UNC13C: variants seen among roughly 807,000 people sequenced by gnomAD.
The protein encoded by UNC13C is unc-13 homolog C, also known as protein unc-13 homolog C.
A neutral mutation model predicts 245.4 loss-of-function variants in UNC13C; 174 were observed. The ratio of observed to expected loss-of-function variants is 0.71; its 90% CI spans 0.63 to 0.80. The LOEUF (loss-of-function observed/expected upper bound fraction) is 0.80, where lower values mean the gene tolerates loss of function less well. Ranked by LOEUF, UNC13C falls within the 30% of genes least tolerant of loss-of-function variation. The pLI is 0.00. For missense variants in UNC13C, 2,829 were observed against 2,602.9 expected (o/e 1.09, Z -1.89); for synonymous variants, 992 against 895.1 (o/e 1.11, Z -1.93).
chr15:54,444,307 T>C (rs1890686636), intron 19 of UNC13C, among the ~76,000 whole-genome samples: 3 of 149,530 alleles, frequency 2.0e-5, no homozygotes, highest in African/African-American at 5.0e-5. Flanking sequence ...ATATATGTCA[T>C]ATATATACAT....
intron 30 of UNC13C, among the ~76,000 whole-genome samples, chr15:54,613,250 A>G (rs1391446684): frequency 6.6e-6 from 1 of 151,954 alleles, no homozygotes; most frequent in Admixed American, 6.6e-5. Context: ...AAATATGTAT[A>G]AAACCTCCAA....
intron 17 of UNC13C, among the ~76,000 whole-genome samples, chr15:54,367,415 A>G (rs1240728831): frequency 6.6e-6 from 1 of 152,068 alleles, no homozygotes; most frequent in Non-Finnish European, 1.5e-5. Context: ...CTTAATTCCT[A>G]TTTGGGAGTT....
chr15:54,364,133 G>A (rs928746332), intron 17 of UNC13C, among the ~76,000 whole-genome samples: 1 of 152,054 alleles, frequency 6.6e-6, no homozygotes, highest in African/African-American at 2.4e-5. Context: ...TTGCTTAACA[G>A]ATGCTATATG....
chr15:54,442,366 G>A (rs992554853), intron 19 of UNC13C, among the ~76,000 whole-genome samples: 4 of 151,436 alleles, frequency 2.6e-5, no homozygotes, highest in Non-Finnish European at 5.9e-5. Flanking sequence ...GGGATTACAG[G>A]CATCTGCCAT....
chr15:54,080,000 C>T (rs1460673246), intron 2 of UNC13C, among the ~76,000 whole-genome samples: 4 of 56,976 alleles, frequency 7.0e-5, no homozygotes, highest in Non-Finnish European at 1.5e-4. Context: ...CCTGGTTTGT[C>T]GAGCGGTTTT....
chr15:54,441,801 TTTC>T (rs1164288782), intron 19 of UNC13C, among the ~76,000 whole-genome samples: 2 of 152,118 alleles, frequency 1.3e-5, no homozygotes, highest in African/African-American at 4.8e-5. Flanking sequence ...TTTAACAATA[TTTC>T]TTCTTCTAAT....
At chr15:54,620,282 G>A (rs1900711905) in intron 30 of UNC13C, among the ~76,000 whole-genome samples, 1 of 152,060 alleles carries the variant, frequency 6.6e-6, no homozygotes, top group African/African-American at 2.4e-5. Flanking sequence ...CACAGGTAGG[G>A]TGTATAAATG....
rs115704092 is a variant in UNC13C at position 54,045,341 on chromosome 15, C to T, written c.2983+29455C>T. Among the ~76,000 whole-genome samples, 604 of 152,028 alleles carry T rather than the reference C, an allele frequency of 4.0e-3. 1 individual carries two copies. Among genetic ancestry groups the T allele is most frequent in the African/African-American group, 0.014 (587 of 41,452 alleles). On this transcript the variant is annotated intron_variant, in intron 2 of 32. Coordinates refer to ENST00000260323, the MANE Select transcript of UNC13C (RefSeq NM_001080534.3). ...TTCCCCATTGAATTTGTTTAACAACCCTGTTAAAAATTCAGAATACTTTTA... is the reference window on the plus strand; with the variant it reads ...TTCCCCATTGAATTTGTTTAACAACTCTGTTAAAAATTCAGAATACTTTTA...
At chr15:54,431,160 T>C (rs1253800977) in intron 19 of UNC13C, among the ~76,000 whole-genome samples, 1 of 151,828 alleles carries the variant, frequency 6.6e-6, no homozygotes, top group Non-Finnish European at 1.5e-5. Context: ...TTAAATTATA[T>C]ATCCAAGAAA....
chr15:54,494,461 AG>A (rs1893862014), intron 19 of UNC13C, 146 bp from the exon 20 acceptor site: 3 of 655,826 alleles, frequency 4.6e-6, no homozygotes, highest in South Asian at 7.9e-5. Flanking sequence ...ATAAAATTTT[AG>A]GTCAGCTTTT....
Position 54,355,609 on chromosome 15 carries a change from C to T in UNC13C, c.4713+17120C>T, listed in dbSNP as rs536907801. 3.8e-4 allele frequency among the ~76,000 whole-genome samples: 58 copies of T among 152,228 alleles called. No individual in the cohort carries two copies. In the South Asian group the frequency reaches 6.2e-3, roughly 16 times the overall value. On this transcript the variant is annotated intron_variant, in intron 17 of 32. Coordinates refer to ENST00000260323, the MANE Select transcript of UNC13C (RefSeq NM_001080534.3). ...CTGACCTCAAGTGATGCTCCCACTT[C>T]GGCCTCCCAAAGTGCTGGGATTACA...
chr15:54,258,616 G>A (rs2036342504), intron 8 of UNC13C, among the ~76,000 whole-genome samples: 1 of 152,084 alleles, frequency 6.6e-6, no homozygotes, highest in Non-Finnish European at 1.5e-5. Flanking sequence ...TGATCTGCCT[G>A]CCTCGGCCTC....
chr15:54,264,519 C>G, intron 9 of UNC13C, 124 bp downstream of exon 9: 1 of 761,178 alleles, frequency 1.3e-6, no homozygotes, highest in Non-Finnish European at 2.1e-6. Context: ...TTAATATGAA[C>G]AAGACTAGTT....
At chr15:54,506,900 G>T (rs1364058475) in intron 22 of UNC13C, among the ~76,000 whole-genome samples, 1 of 151,886 alleles carries the variant, frequency 6.6e-6, no homozygotes, top group Non-Finnish European at 1.5e-5. Flanking sequence ...TTAAGTAATT[G>T]AAATAAAATT....
chr15:54,615,487 C>G (rs922296146), intron 30 of UNC13C, among the ~76,000 whole-genome samples: 1 of 152,028 alleles, frequency 6.6e-6, no homozygotes, highest in South Asian at 2.1e-4. Flanking sequence ...ATGTATTATT[C>G]CCTAGTCTCT....
At chr15:54,297,685 T>C in intron 11 of UNC13C, 126 bp from the exon 12 acceptor site, 1 of 699,820 alleles carries the variant, frequency 1.4e-6, no homozygotes, top group Non-Finnish European at 2.5e-6. Flanking sequence ...CAGCTCTGAC[T>C]CAGAAAAATA....
intron 19 of UNC13C, among the ~76,000 whole-genome samples, chr15:54,456,815 C>A (rs1407251947): frequency 2.0e-5 from 3 of 151,896 alleles, no homozygotes; most frequent in Non-Finnish European, 2.9e-5. Context: ...ATGATCATAT[C>A]ATCAGTAAAC....
the UNC13C span, among the ~76,000 whole-genome samples, chr15:53,926,765 ATGAT>A: frequency 6.6e-6 from 1 of 152,128 alleles, no homozygotes; most frequent in Non-Finnish European, 1.5e-5. Flanking sequence ...TAATGCCTGA[ATGAT>A]TGGTGGGAGT....
intron 26 of UNC13C, among the ~76,000 whole-genome samples, chr15:54,536,878 T>C (rs1464710189): frequency 6.6e-6 from 1 of 152,088 alleles, no homozygotes; most frequent in Non-Finnish European, 1.5e-5. Context: ...AACATCATAC[T>C]GAATGGGCAA....
Sources: gnomAD v4.1 joint callset for allele counts (sites outside exome capture counted in the v4.1 genomes callset) on GRCh38, gnomAD v4.1.1 for gene constraint, MANE v1.5 for transcripts, NCBI Gene and HGNC (gene_info 2026-07-23, HGNC 2026-07-21) for gene names.